The following PRKCE variants were observed in gnomAD, a reference collection of about 807,000 sequenced individuals.
PRKCE encodes protein kinase C epsilon type.
In PRKCE, 16 loss-of-function variants were observed where a neutral mutation model predicts 85.4. The ratio of observed to expected loss-of-function variants is 0.19; its 90% CI spans 0.13 to 0.28. The LOEUF (loss-of-function observed/expected upper bound fraction) is 0.28, where lower values mean the gene tolerates loss of function less well. PRKCE is among the 10% of genes least tolerant of loss of function. PRKCE has a pLI of 1.00. For missense variants in PRKCE, 573 were observed against 975.2 expected, an observed-to-expected ratio of 0.59 and a Z score of 5.49; for synonymous variants, 388 against 371.5, an observed-to-expected ratio of 1.04 and a Z score of -0.51.
intron 1 of PRKCE, among the ~76,000 whole-genome samples, chr2:45,699,680 T>C (rs1364311494): frequency 6.6e-6 from 1 of 152,194 alleles, no homozygotes; most frequent in Non-Finnish European, 1.5e-5. Context: ...TCTTGTTTTT[T>C]TATGGTCCTG....
chr2:46,052,074 T>C (rs1392867561), intron 10 of PRKCE, among the ~76,000 whole-genome samples: 2 of 152,114 alleles, frequency 1.3e-5, no homozygotes, highest in Non-Finnish European at 2.9e-5. Flanking sequence ...AGCCTAACCA[T>C]ATCAGGTGCT....
intron 1 of PRKCE, among the ~76,000 whole-genome samples, chr2:45,669,702 G>C (rs933740151): frequency 1.3e-5 from 2 of 152,216 alleles, no homozygotes; most frequent in African/African-American, 4.8e-5. Flanking sequence ...CAAAAAGGTA[G>C]TATCTGTGAA....
At chr2:45,716,630 GAGAAGA>G (rs139135622) in intron 1 of PRKCE, among the ~76,000 whole-genome samples, 17,501 of 146,256 alleles carry the variant, frequency 0.12, 1,127 homozygotes, top group East Asian at 0.16. Context: ...GAAGGAGAAG[GAGAAGA>G]AGAAGAAGAA....
intron 11 of PRKCE, among the ~76,000 whole-genome samples, chr2:46,102,086 G>C (rs950235283): frequency 6.6e-6 from 1 of 152,144 alleles, no homozygotes; most frequent in African/African-American, 2.4e-5. Context: ...TCTGTGTTCA[G>C]TCACATTCCA....
At chr2:45,938,069 G>A (rs1699606530) in intron 2 of PRKCE, among the ~76,000 whole-genome samples, 2 of 152,162 alleles carry the variant, frequency 1.3e-5, no homozygotes, top group South Asian at 2.1e-4. Flanking sequence ...GCCTCTTCTT[G>A]TTCTCCTCCC....
chr2:46,102,054 A>G (rs1320266390), intron 11 of PRKCE, among the ~76,000 whole-genome samples: 2 of 152,042 alleles, frequency 1.3e-5, no homozygotes, highest in Admixed American at 6.6e-5. Context: ...GGGAAAGGTG[A>G]TTGTGCGTGT....
At chr2:45,921,258 A>C (rs2103939420) in intron 2 of PRKCE, among the ~76,000 whole-genome samples, 1 of 152,366 alleles carries the variant, frequency 6.6e-6, no homozygotes, top group African/African-American at 2.4e-5. Flanking sequence ...TTGTCCAGAG[A>C]AAAAGGCGTG....
In PRKCE at chr2:45,864,806, T is replaced by A. The variant is rs1369927059; in HGVS notation, c.412+21743T>A. On this transcript the variant is annotated intron_variant, in intron 2 of 14. Transcript: ENST00000306156. ...AGTACTTGCTTTCATAATCATCTCT[T>A]GCTGCTTGGAGCTCTGGATTCATAG... Among the ~76,000 whole-genome samples the A allele has an allele frequency of 2.0e-5, 3 of 152,214 alleles. No individual in the cohort carries two copies. The East Asian group carries it at 5.8e-4, about 29-fold the overall frequency.
intron 1 of PRKCE, among the ~76,000 whole-genome samples, chr2:45,657,511 A>G (rs574266271): frequency 6.6e-6 from 1 of 152,314 alleles, no homozygotes; most frequent in South Asian, 2.1e-4. Context: ...CATATCTACT[A>G]TAATTATTAT....
chr2:45,868,211 G>A (rs1043197661), intron 2 of PRKCE, among the ~76,000 whole-genome samples: 1 of 136,444 alleles, frequency 7.3e-6, no homozygotes, highest in Non-Finnish European at 1.5e-5. Flanking sequence ...GGGTGTAACG[G>A]AGCTTTTTTT....
intron 11 of PRKCE, among the ~76,000 whole-genome samples, chr2:46,123,177 C>A (rs1447018695): frequency 6.4e-4 from 31 of 48,540 alleles, no homozygotes; most frequent in South Asian, 1.9e-3. Flanking sequence ...TGTGCAAATA[C>A]AAGGAAAGGA....
chr2:46,151,335 C>G (rs1472274355), intron 13 of PRKCE, 106 bp downstream of exon 13: 1 of 1,124,660 alleles, frequency 8.9e-7, no homozygotes, highest in Non-Finnish European at 1.3e-6. Flanking sequence ...TCCCTTCTCC[C>G]TTTCTCTGTC....
At chr2:45,731,727 G>A (rs767559965) in intron 1 of PRKCE, among the ~76,000 whole-genome samples, 5 of 149,792 alleles carry the variant, frequency 3.3e-5, no homozygotes, top group Non-Finnish European at 7.4e-5. Context: ...AGGCTCAAGT[G>A]ATGCTCCTAC....
At chr2:45,733,236 C>G (rs186307654) in intron 1 of PRKCE, among the ~76,000 whole-genome samples, 1 of 152,258 alleles carries the variant, frequency 6.6e-6, no homozygotes, top group African/African-American at 2.4e-5. Flanking sequence ...CCCACCTTTC[C>G]CCTGGTGGCT....
At chr2:45,893,955 G>T (rs956661160) in intron 2 of PRKCE, among the ~76,000 whole-genome samples, 12 of 152,106 alleles carry the variant, frequency 7.9e-5, no homozygotes, top group Non-Finnish European at 1.5e-4. Context: ...CCGGGCAAGG[G>T]ACTTCTAACT....
At chr2:45,889,014 C>T (rs903591351) in intron 2 of PRKCE, among the ~76,000 whole-genome samples, 24 of 152,158 alleles carry the variant, frequency 1.6e-4, no homozygotes, top group African/African-American at 5.6e-4. Context: ...AAAGAGGTAA[C>T]CTGTGATCAT....
intron 11 of PRKCE, among the ~76,000 whole-genome samples, chr2:46,142,883 TAGA>T (rs962285950): frequency 1.3e-5 from 2 of 152,216 alleles, no homozygotes; most frequent in East Asian, 1.9e-4. Flanking sequence ...TATACAAAAT[TAGA>T]AGAAGTCCTT....
chr2:45,732,566 A>G (rs1168929972), intron 1 of PRKCE, among the ~76,000 whole-genome samples: 5 of 152,120 alleles, frequency 3.3e-5, no homozygotes, highest in Admixed American at 3.3e-4. Context: ...TACTTTGGGC[A>G]GTAGTAGTAG....
chr2:45,729,183 G>A (rs999893500), intron 1 of PRKCE, among the ~76,000 whole-genome samples: 1 of 152,216 alleles, frequency 6.6e-6, no homozygotes. Context: ...CGAAGGAGCT[G>A]ATACCACGTC....
Sources: gnomAD v4.1 joint callset for allele counts (sites outside exome capture counted in the v4.1 genomes callset) on GRCh38, gnomAD v4.1.1 for gene constraint, MANE v1.5 for transcripts, NCBI Gene and HGNC (gene_info 2026-07-23, HGNC 2026-07-21) for gene names.